The following ANK1 variants were observed in gnomAD, a reference collection of about 807,000 sequenced individuals.
ANK1 encodes ankyrin-1.
Under a neutral mutation model 210.4 loss-of-function variants are expected in ANK1, and 51 were observed. The observed-to-expected ratio is 0.24, with a 90% CI of 0.19 to 0.31. The LOEUF (loss-of-function observed/expected upper bound fraction) is 0.31, where lower values mean the gene tolerates loss of function less well. Among genes scored for constraint, ANK1 ranks in the 10% least tolerant of loss-of-function variants. The pLI is 1.00. For missense variants in ANK1, 2,051 were observed against 2,504.4 expected, an observed-to-expected ratio of 0.82 and a Z score of 3.86; for synonymous variants, 967 against 1,025.9, an observed-to-expected ratio of 0.94 and a Z score of 1.10.
chr8:41,753,105 C>A (rs892599215), intron 2 of ANK1, among the ~76,000 whole-genome samples: 1 of 147,408 alleles, frequency 6.8e-6, no homozygotes, highest in African/African-American at 2.5e-5. Context: ...CTCTGTTGCC[C>A]AAGCTGGAGT....
At chr8:41,882,666 C>A (rs901670393) in intron 1 of ANK1, among the ~76,000 whole-genome samples, 5 of 152,184 alleles carry the variant, frequency 3.3e-5, no homozygotes, top group Non-Finnish European at 7.3e-5. Flanking sequence ...CACTACAAGC[C>A]AAGCCTCCAA....
intron 1 of ANK1, among the ~76,000 whole-genome samples, chr8:41,878,013 G>A (rs1248218263): frequency 6.6e-6 from 1 of 152,190 alleles, no homozygotes; most frequent in Non-Finnish European, 1.5e-5. Flanking sequence ...CAGTGACTAG[G>A]CTATTGCAAT....
chr8:41,653,440 C>G lies in ANK1; in HGVS notation c.*2350G>C, dbSNP rs763840769. On this transcript the variant is annotated 3_prime_UTR_variant, in exon 43 of 43. Coordinates refer to ENST00000289734, the MANE Select transcript of ANK1 (RefSeq NM_000037.4). ...GCAGACTGCAGCATTCTCTAGGCAT[C>G]GTGTGGAGACCCCAAACTCCTCCCC... 6.5e-6 allele frequency: 1 copy of G among 152,696 alleles called. No individual in the cohort carries two copies. Among genetic ancestry groups the G allele is most frequent in the Non-Finnish European group, 1.5e-5 (1 of 68,054 alleles). The allele number at this position is 152,696 out of a possible 1,614,324, so 9.5% of individuals were successfully genotyped here.
At chr8:41,785,430 G>C (rs1195893105) in intron 1 of ANK1, among the ~76,000 whole-genome samples, 1 of 152,180 alleles carries the variant, frequency 6.6e-6, no homozygotes, top group Admixed American at 6.5e-5. Context: ...TCTGAGTCTA[G>C]GGCCAGCTTG....
intron 1 of ANK1, among the ~76,000 whole-genome samples, chr8:41,860,779 C>A (rs1019245292): frequency 1.3e-5 from 2 of 152,132 alleles, no homozygotes; most frequent in African/African-American, 2.4e-5. Context: ...AGGAAGTGAC[C>A]CTCTGAGGAT....
rs138394311 is a variant in ANK1, at chr8:41,672,737, C to T, written c.4713G>A (p.Ala1571=). The T allele has an allele frequency of 1.4e-4, 228 of 1,605,792 alleles. 1 individual carries two copies. In the African/African-American group the frequency reaches 2.1e-3, roughly 15 times the overall value. Residue 1571 remains alanine (A), a synonymous_variant, in exon 38 of 43, where the codon GCG becomes GCA. Transcript: ENST00000289734. ...CAGTGACCAGAGAAGGCGTGAGGCC[C>T]GCAGACCACACCTGCATGTCAGACA... ...LEMSDMQVWS[A]GLTPSLVTAE...
chr8:41,697,614 CTCTT>C (rs1821438548), intron 24 of ANK1: 1 of 341,010 alleles, frequency 2.9e-6, no homozygotes, highest in Non-Finnish European at 5.8e-6. Context: ...TCCGAGTCCA[CTCTT>C]TCTGGTTGGG....
chr8:41,727,670 T>C (rs1831063869), intron 4 of ANK1, among the ~76,000 whole-genome samples: 1 of 152,226 alleles, frequency 6.6e-6, no homozygotes, highest in African/African-American at 2.4e-5. Context: ...CTGGACATAC[T>C]ATTTGGCTTA....
rs1223684149 is a variant in ANK1 at position 41,692,643 on chromosome 8, G to A, written c.3858+5C>T. The A allele has an allele frequency of 1.9e-6, 3 of 1,612,070 alleles. No individual in the cohort carries two copies. Among genetic ancestry groups the A allele is most frequent in the East Asian group, 2.2e-5 (1 of 44,882 alleles). ...CAGAGGCGGTGCAGGGCCCAGCCCT[G>A]TTACCTCTATGTCCCTGCTCCGGGC... is the stretch of plus-strand genomic sequence containing the variant. On this transcript the variant is annotated splice_donor_5th_base_variant and intron_variant, in intron 31 of 42. Transcript: ENST00000289734.
chr8:41,875,276 C>T (rs1457962639), intron 1 of ANK1, among the ~76,000 whole-genome samples: 1 of 152,206 alleles, frequency 6.6e-6, no homozygotes, highest in Non-Finnish European at 1.5e-5. Context: ...CCAGCAGCAC[C>T]AGGTCCCAGT....
intron 1 of ANK1, among the ~76,000 whole-genome samples, chr8:41,771,033 C>T (rs1448333337): frequency 3.9e-5 from 6 of 152,148 alleles, no homozygotes; most frequent in Admixed American, 1.3e-4. Context: ...TGGCACAGTG[C>T]CGGGCAGTGC....
intron 1 of ANK1, among the ~76,000 whole-genome samples, chr8:41,840,847 G>A (rs527827938): frequency 7.4e-4 from 113 of 152,224 alleles, no homozygotes; most frequent in Non-Finnish European, 1.1e-3. Context: ...TTGAAACGTC[G>A]GTAATCCTTC....
In ANK1 at chr8:41,688,097, A is replaced by C. The variant is rs986011141; in HGVS notation, c.4258+59T>G. 7.1e-6 allele frequency: 11 copies of C among 1,544,124 alleles called. No individual in the cohort carries two copies. The African/African-American group carries it at 1.5e-4, about 21-fold the overall frequency. On this transcript the variant is annotated intron_variant, in intron 35 of 42. Coordinates refer to ENST00000289734, the MANE Select transcript of ANK1 (RefSeq NM_000037.4). The stretch of plus-strand genomic sequence containing the variant: ...AAATGCCTCATTCATTGCTCATTAC[A>C]GGGGAAGAGGGTAGGTGAGATGGAC...
chr8:41,771,135 G>A (rs1246940817), intron 1 of ANK1, among the ~76,000 whole-genome samples: 1 of 152,194 alleles, frequency 6.6e-6, no homozygotes. Flanking sequence ...GGGTTCAATT[G>A]CTATGGAAAA....
chr8:41,862,660 C>CAAAAAA (rs60114930), intron 1 of ANK1, among the ~76,000 whole-genome samples: 1 of 99,640 alleles, frequency 1.0e-5, no homozygotes, highest in African/African-American at 3.6e-5. Flanking sequence ...GAGGCTCAGA[C>CAAAAAA]AAAAAAAAAA....
At chr8:41,767,618 C>A (rs1842133878) in intron 1 of ANK1, among the ~76,000 whole-genome samples, 1 of 152,272 alleles carries the variant, frequency 6.6e-6, no homozygotes, top group South Asian at 2.1e-4. Context: ...GCGAAGCGCT[C>A]TCCGGAGAGC....
At chr8:41,710,588 G>A (rs567447393) in intron 16 of ANK1, among the ~76,000 whole-genome samples, 1 of 152,330 alleles carries the variant, frequency 6.6e-6, no homozygotes, top group South Asian at 2.1e-4. Flanking sequence ...CAGTAGCAAG[G>A]CCCTAGGGCA....
chr8:41,659,589 G>A (rs1203242288), intron 42 of ANK1, among the ~76,000 whole-genome samples: 1 of 152,202 alleles, frequency 6.6e-6, no homozygotes, highest in African/African-American at 2.4e-5. Flanking sequence ...CTTCTCTGTA[G>A]CCTTTGCCCT....
chr8:41,805,122 TTC>T (rs749558095), intron 1 of ANK1, among the ~76,000 whole-genome samples: 4 of 148,244 alleles, frequency 2.7e-5, no homozygotes, highest in African/African-American at 5.2e-5. Flanking sequence ...ATAGAGCTCT[TTC>T]TCTCTTTCTT....
Sources: allele counts gnomAD v4.1 joint callset (sites outside exome capture counted in the v4.1 genomes callset), GRCh38; gene constraint gnomAD v4.1.1; transcripts MANE v1.5; gene names NCBI Gene and HGNC (gene_info 2026-07-23, HGNC 2026-07-21).